RGL3: variants seen among roughly 807,000 people sequenced by gnomAD.
RGL3 encodes ral guanine nucleotide dissociation stimulator like 3, also known as ral guanine nucleotide dissociation stimulator-like 3.
RGL3 carries 85 observed loss-of-function variants against 90.6 expected under a neutral mutation model. The ratio of observed to expected loss-of-function variants is 0.94; its 90% confidence interval spans 0.79 to 1.12. The LOEUF (loss-of-function observed/expected upper bound fraction) is 1.12. RGL3 is among the 50% of genes most tolerant of loss of function. RGL3 has a pLI of 0.00. For missense variants in RGL3, 1,034 were observed against 939.2 expected, an observed-to-expected ratio of 1.10 and a Z score of -1.32; for synonymous variants, 408 against 385.5, an observed-to-expected ratio of 1.06 and a Z score of -0.68.
chr19:11,416,935 C>T lies in RGL3; in HGVS notation c.272G>A (p.Ser91Asn). ...LVFGDREQDP[S>N]FMPAFLATYR... ...GGTGGCCAGGAAGGCGGGCATGAAG[C>T]TGGGGTCCTGCTCACGGTCTCCAAA... The change falls in exon 3 of 19, where the codon AGC becomes AAC. Residue 91 changes from serine to asparagine, a missense_variant. By Grantham distance (46) the Ser-to-Asn change is conservative. Transcript: ENST00000380456. 1 of 1,614,088 alleles carries T rather than the reference C, an allele frequency of 6.2e-7. No homozygotes were observed. The highest frequency in any genetic ancestry group is 1.1e-5 in the South Asian group (1 of 91,072).
In RGL3 at chr19:11,405,303, C is replaced by T; in HGVS notation, c.1100+20G>A. The T allele has an allele frequency of 1.2e-6, 2 of 1,612,146 alleles. No homozygotes were observed. The highest frequency in any genetic ancestry group is 1.7e-6 in the Non-Finnish European group (2 of 1,178,456). On this transcript the variant is annotated intron_variant, in intron 8 of 18. Transcript: ENST00000380456. Reference sequence around the variant, plus strand: ...GTCAGACCTGGGATGGGCTGGGGAACAGGTCCCGCCCCAGCTCACCGGCTC... The same window carrying T: ...GTCAGACCTGGGATGGGCTGGGGAATAGGTCCCGCCCCAGCTCACCGGCTC...
At chr19:11,419,166 G>A (rs1969060765) in intron 1 of RGL3, 80 bp downstream of exon 1, 2 of 1,474,802 alleles carry the variant, frequency 1.4e-6, no homozygotes, top group African/African-American at 1.4e-5. Flanking sequence ...AGCAGATACC[G>A]TCCGACGGGC....
At chr19:11,399,207 C>A (rs443385) in intron 16 of RGL3, among the ~76,000 whole-genome samples, 2 of 151,860 alleles carry the variant, frequency 1.3e-5, no homozygotes, top group Non-Finnish European at 2.9e-5. Context: ...CCCAAAGTGC[C>A]GGGATCACAG....
At position 11,401,936 on chromosome 19, in the gene RGL3, T is replaced by A; in HGVS notation, c.1484+75A>T. On this transcript the variant is annotated intron_variant, in intron 13 of 18. Transcript: ENST00000380456. ...GGTCTTGGGAGGAGCTGGAGGTGTG[T>A]ATGGAGTGGGTGGAATCCAGTTGGT... The A allele has an allele frequency of 3.3e-6, 5 of 1,497,292 alleles. No individual in the cohort carries two copies. In the South Asian group the frequency reaches 6.8e-5, roughly 20 times the overall value. The allele number at this position is 1,497,292 out of a possible 1,614,324, so 92.8% of individuals were successfully genotyped here.
intron 18 of RGL3, among the ~76,000 whole-genome samples, chr19:11,396,006 C>T (rs1171835486): frequency 6.7e-6 from 1 of 148,300 alleles, no homozygotes; most frequent in East Asian, 2.0e-4. Context: ...CAGCTCGCTG[C>T]AGCCTCCACC....
intron 5 of RGL3, chr19:11,408,638 A>G (rs1032160302): frequency 6.6e-6 from 1 of 152,074 alleles, no homozygotes; most frequent in African/African-American, 2.4e-5. Context: ...CTGAACAAAT[A>G]TGAATAATTT....
chr19:11,414,792 T>C (rs1332217205), intron 5 of RGL3, among the ~76,000 whole-genome samples: 1 of 151,698 alleles, frequency 6.6e-6, no homozygotes, highest in African/African-American at 2.4e-5. Context: ...GAACAACAGG[T>C]CCTCCTCTCA....
At position 11,397,361 on chromosome 19, in the gene RGL3, G is replaced by A. The variant is rs1408471327; in HGVS notation, c.1900-3C>T. 6.3e-7 allele frequency: 1 copy of A among 1,597,560 alleles called. No individual in the cohort carries two copies. Among genetic ancestry groups the A allele is most frequent in the Non-Finnish European group, 8.5e-7 (1 of 1,171,144 alleles). ...GGGGCTTTGTCCTGACTGGTCAGCTGGAAGAGAGGGGCGGGAGGTGAGGTG... is the reference window on the plus strand; with the variant it reads ...GGGGCTTTGTCCTGACTGGTCAGCTAGAAGAGAGGGGCGGGAGGTGAGGTG... On this transcript the variant is annotated splice_region_variant and splice_polypyrimidine_tract_variant and intron_variant, in intron 17 of 18. Transcript: ENST00000380456.
rs1396738037 is a variant in RGL3 at position 11,397,477 on chromosome 19, T to G, written c.1867A>C (p.Asn623His). Residue 623 changes from asparagine (N) to histidine (H), a missense_variant, in exon 17 of 19, where the codon AAT becomes CAT. Asn to His is a moderately conservative substitution (Grantham distance 68). Coordinates refer to ENST00000380456, the MANE Select transcript of RGL3 (RefSeq NM_001035223.4). The part of the protein sequence containing the change: ...EARVIRVSID[N>H]DHGNLYRSIL... ...CTTCGATACAGGTTCCCGTGGTCATTGTCGATGCTGACGCGGATGACACGG... is the reference window on the plus strand; with the variant it reads ...CTTCGATACAGGTTCCCGTGGTCATGGTCGATGCTGACGCGGATGACACGG... The G allele has an allele frequency of 6.2e-7, 1 of 1,613,106 alleles. No homozygotes were observed. Among genetic ancestry groups the G allele is most frequent in the Non-Finnish European group, 8.5e-7 (1 of 1,179,520 alleles).
Position 11,406,845 on chromosome 19 carries a change from T to A in RGL3, c.657A>T (p.Gln219His). The A allele has an allele frequency of 1.9e-6, 3 of 1,613,422 alleles. No individual in the cohort carries two copies. The highest frequency in any genetic ancestry group is 3.3e-5 in the Admixed American group (2 of 59,972). ...CCTCTGAAGAGTCTGGGTCAGAAGT[T>A]TGGGCAACTCTGGGAGGTCCTGATC... ...QVWTGPPRVA[Q>H]TSDPDSSEAC... is the part of the protein sequence containing the mutation. The change falls in exon 6 of 19, where the codon CAA (glutamine) becomes CAT (histidine). Residue 219 changes from glutamine to histidine, a missense_variant. Coordinates refer to ENST00000380456, the MANE Select transcript of RGL3 (RefSeq NM_001035223.4).
chr19:11,396,205 G>T (rs1355894200), intron 18 of RGL3, among the ~76,000 whole-genome samples: 1 of 99,780 alleles, frequency 1.0e-5, no homozygotes, highest in East Asian at 3.4e-4. Flanking sequence ...GTCTTGCTCA[G>T]TCGCCAGGCT....
In RGL3 at chr19:11,416,596, T is replaced by C. The variant is rs747935995; in HGVS notation, c.425+18A>G. 15 of 1,612,608 alleles carry C rather than the reference T, an allele frequency of 9.3e-6. No individual in the cohort carries two copies. Among genetic ancestry groups the C allele is most frequent in the Non-Finnish European group, 8.5e-7 (1 of 1,178,784 alleles). On this transcript the variant is annotated intron_variant, in intron 4 of 18. Coordinates refer to ENST00000380456, the MANE Select transcript of RGL3 (RefSeq NM_001035223.4). The stretch of plus-strand genomic sequence containing the variant: ...GGATTTCCCTCCCCGCACTCCCCTA[T>C]CTGGATGAAGGACCCACCTCAGGTT...
At chr19:11,413,599 C>CTCTGAGAGG (rs1048384170) in intron 5 of RGL3, among the ~76,000 whole-genome samples, 1 of 149,738 alleles carries the variant, frequency 6.7e-6, no homozygotes, top group African/African-American at 2.5e-5. Context: ...AATCCCAGCA[C>CTCTGAGAGG]TCTGAGAGGT....
At position 11,402,132 on chromosome 19, in the gene RGL3, C is replaced by A. The variant is rs1276098932; in HGVS notation, c.1363G>T (p.Glu455Ter). ...DLINFEKRRK[E>*]WEILARIQQL... is the part of the protein sequence containing the mutation. ...TGGATGCGGGCCAGGATCTCCCACTCCTGGAGGACGAGCCTCTAAGACCCT... is the reference window on the plus strand; with the variant it reads ...TGGATGCGGGCCAGGATCTCCCACTACTGGAGGACGAGCCTCTAAGACCCT... Residue 455 changes from glutamate to a stop codon, truncating the protein, a stop_gained and splice_region_variant, in exon 13 of 19, where the codon GAG becomes TAG. Coordinates refer to ENST00000380456, the MANE Select transcript of RGL3 (RefSeq NM_001035223.4). LOFTEE classifies it high-confidence loss of function. The A allele has an allele frequency of 1.2e-6, 2 of 1,609,904 alleles. No homozygotes were observed. The highest frequency in any genetic ancestry group is 1.7e-6 in the Non-Finnish European group (2 of 1,178,188).
rs574963118 is a variant in RGL3 at position 11,402,221 on chromosome 19, C to T, written c.1356G>A (p.Arg452=). The change falls in exon 12 of 19, where the codon AGG becomes AGA. Residue 452 remains arginine (R), a synonymous_variant. Coordinates refer to ENST00000380456, the MANE Select transcript of RGL3 (RefSeq NM_001035223.4). ...CACTGTAGCCTCCACTCACCTTCCT[C>T]CTCTTCTCAAAGTTAATGAGATCCC... ...LEGDLINFEK[R]RKEWEILARI... is the part of the protein sequence containing the mutation. 44 of 1,613,480 alleles carry T rather than the reference C, an allele frequency of 2.7e-5. No individual in the cohort carries two copies. The Admixed American group carries it at 5.8e-4, about 21-fold the overall frequency.
chr19:11,414,528 T>TAC (rs1968959141), intron 5 of RGL3, among the ~76,000 whole-genome samples: 2 of 74,104 alleles, frequency 2.7e-5, no homozygotes, highest in Admixed American at 1.7e-4. Flanking sequence ...TATATATATA[T>TAC]ACCTTTATAT....
intron 16 of RGL3, among the ~76,000 whole-genome samples, chr19:11,398,510 T>C (rs10417491): frequency 7.7e-4 from 117 of 151,722 alleles, no homozygotes; most frequent in African/African-American, 2.7e-3. Flanking sequence ...TATGCCCAGC[T>C]AATGTTTTTA....
chr19:11,410,128 T>A (rs941064116), intron 5 of RGL3, among the ~76,000 whole-genome samples: 3 of 149,458 alleles, frequency 2.0e-5, no homozygotes, highest in Non-Finnish European at 3.0e-5. Flanking sequence ...ATATATATTT[T>A]TTTATTATTT....
chr19:11,416,995 G>A lies in RGL3; in HGVS notation c.212C>T (p.Ala71Val). The A allele has an allele frequency of 6.2e-7, 1 of 1,613,888 alleles. No homozygotes were observed. The highest frequency in any genetic ancestry group is 8.5e-7 in the Non-Finnish European group (1 of 1,179,922). ...YRTSKVRVLR[A>V]ARLERLVGEL... Reference sequence around the variant, plus strand: ...TCCCACCAGCCGCTCCAGGCGCGCTGCCCTCAGCACCCTCACCTTGCTGGT... The same window carrying A: ...TCCCACCAGCCGCTCCAGGCGCGCTACCCTCAGCACCCTCACCTTGCTGGT... Residue 71 changes from alanine (A) to valine (V), a missense_variant, in exon 3 of 19, where the codon GCA becomes GTA. Ala to Val is a moderately conservative substitution (Grantham distance 64). Transcript: ENST00000380456.
Sources: allele counts gnomAD v4.1 joint callset (sites outside exome capture counted in the v4.1 genomes callset), GRCh38; gene constraint gnomAD v4.1.1; transcripts MANE v1.5; gene names NCBI Gene and HGNC (gene_info 2026-07-23, HGNC 2026-07-21).